The following DROSHA variants were observed in gnomAD, a reference collection of about 807,000 sequenced individuals.
The protein encoded by DROSHA is ribonuclease 3.
A neutral mutation model predicts 181.9 loss-of-function variants in DROSHA; 56 were observed. That is an observed-to-expected ratio of 0.31 (90% CI 0.25 to 0.38). The LOEUF is 0.38. Ranked by LOEUF, DROSHA falls within the 10% of genes least tolerant of loss-of-function variation. The pLI is 1.00. For synonymous variants in DROSHA, 524 were observed against 591.2 expected, an observed-to-expected ratio of 0.89 and a Z score of 1.65; for missense variants, 1,218 against 1,743.5, an observed-to-expected ratio of 0.70 and a Z score of 5.37.
intron 16 of DROSHA, among the ~76,000 whole-genome samples, chr5:31,482,076 G>C (rs1031302358): frequency 6.6e-6 from 1 of 152,184 alleles, no homozygotes; most frequent in Non-Finnish European, 1.5e-5. Flanking sequence ...GGAGACAGGG[G>C]CTTCTGCCCA....
chr5:31,437,221 A>T lies in DROSHA; in HGVS notation c.2942+18T>A. On this transcript the variant is annotated intron_variant, in intron 24 of 35. Transcript: ENST00000344624. The stretch of plus-strand genomic sequence containing the variant: ...TGTAATTATTGAGGAATTGTAAAAA[A>T]CAAAAAAGCCTAATTACCTGGTCAG... The T allele has an allele frequency of 6.4e-7, 1 of 1,560,212 alleles. No individual in the cohort carries two copies.
intron 4 of DROSHA, among the ~76,000 whole-genome samples, chr5:31,528,391 A>G (rs1740845698): frequency 6.6e-6 from 1 of 152,074 alleles, no homozygotes; most frequent in African/African-American, 2.4e-5. Context: ...CAAGACAAAC[A>G]TTTGCTCTTT....
Position 31,449,293 on chromosome 5 carries a change from T to C in DROSHA, c.2809A>G (p.Met937Val), listed in dbSNP as rs1746685655. 6.2e-7 allele frequency: 1 copy of C among 1,613,918 alleles called. No homozygotes were observed. The highest frequency in any genetic ancestry group is 8.5e-7 in the Non-Finnish European group (1 of 1,179,866). ...CATCCAGACATACCTTTCTTCCGCA[T>C]GTGCATGTGATGAACTTTTCTGTCT... Reference protein sequence around the residue: ...YGDRKVHHMHMRKKGINTLIN... With the variant: ...YGDRKVHHMHVRKKGINTLIN... The change falls in exon 22 of 36, where the codon ATG becomes GTG. Residue 937 changes from methionine to valine, a missense_variant. This residue lies in a region of DROSHA where 460 missense variants were observed against 774.2 expected (regional missense o/e 0.59). Transcript: ENST00000344624.
At chr5:31,451,472 C>T in intron 21 of DROSHA, 61 bp downstream of exon 21, 4 of 1,373,026 alleles carry the variant, frequency 2.9e-6, no homozygotes, top group South Asian at 1.3e-5. Flanking sequence ...CCATTTGTGA[C>T]CTGCAAGATG....
chr5:31,497,501 A>G (rs1753128904), intron 11 of DROSHA, among the ~76,000 whole-genome samples: 1 of 152,200 alleles, frequency 6.6e-6, no homozygotes, highest in African/African-American at 2.4e-5. Context: ...GCCTGGAAGG[A>G]TCTTAAGAAT....
intron 35 of DROSHA, among the ~76,000 whole-genome samples, chr5:31,403,822 T>G (rs924884362): frequency 9.2e-5 from 14 of 152,350 alleles, no homozygotes; most frequent in African/African-American, 3.1e-4. Flanking sequence ...AGCAAATGTT[T>G]CCTAACCCCT....
intron 23 of DROSHA, among the ~76,000 whole-genome samples, chr5:31,445,452 A>G (rs1034718808): frequency 3.3e-5 from 5 of 152,248 alleles, no homozygotes; most frequent in African/African-American, 1.2e-4. Context: ...AACTCGTTAT[A>G]TGAGGCCAGT....
intron 16 of DROSHA, among the ~76,000 whole-genome samples, chr5:31,482,230 A>C (rs1160540086): frequency 6.6e-6 from 1 of 152,126 alleles, no homozygotes; most frequent in African/African-American, 2.4e-5. Context: ...GCTATGTTTT[A>C]CTCTTCAGTA....
At chr5:31,402,909 A>T (rs1236270474) in intron 35 of DROSHA, among the ~76,000 whole-genome samples, 1 of 152,112 alleles carries the variant, frequency 6.6e-6, no homozygotes, top group Non-Finnish European at 1.5e-5. Context: ...CTGCCTCCCA[A>T]GTAGCTGGGA....
chr5:31,443,019 A>G lies in DROSHA; in HGVS notation c.2882+5528T>C, dbSNP rs114090881. Among the ~76,000 whole-genome samples, 1,420 of 151,574 alleles carry G rather than the reference A, an allele frequency of 9.4e-3. 11 individuals are homozygous for G. The highest frequency in any genetic ancestry group is 0.017 in the Middle Eastern group (5 of 290). On this transcript the variant is annotated intron_variant, in intron 23 of 35. Transcript: ENST00000344624. ...ATAGAGACATTAACAAATAGTCCAT[A>G]TGTGTCTCTGTTGGTCCGATAGATT...
chr5:31,449,254 T>G (rs1273529983), intron 22 of DROSHA, 27 bp downstream of exon 22: 2 of 1,611,670 alleles, frequency 1.2e-6, no homozygotes, highest in Non-Finnish European at 1.7e-6. Flanking sequence ...AATAGGAGAT[T>G]CACATCTTAA....
In DROSHA at chr5:31,526,664, T is replaced by C; in HGVS notation, c.269A>G (p.Gln90Arg). ...PFPPPMPPSAQGPLPPCPIRP... is the reference protein window; with the variant it reads ...PFPPPMPPSARGPLPPCPIRP... ...GATTGGGCAGGGGGGAAGAGGGCCT[T>C]GCGCTGACGGAGGCATGGGTGGGGG... is the stretch of plus-strand genomic sequence containing the variant. The change falls in exon 5 of 36, where the codon CAA becomes CGA. Residue 90 changes from glutamine to arginine, a missense_variant. By Grantham distance (43) the Gln-to-Arg change is conservative. This residue lies in a region of DROSHA where 536 missense variants were observed against 535.4 expected (regional missense o/e 1.00). Coordinates refer to ENST00000344624, the MANE Select transcript of DROSHA (RefSeq NM_001382508.1). 7.6e-7 allele frequency: 1 copy of C among 1,317,756 alleles called. No homozygotes were observed. Among genetic ancestry groups the C allele is most frequent in the Non-Finnish European group, 9.7e-7 (1 of 1,027,330 alleles). The allele number at this position is 1,317,756 out of a possible 1,614,324, so 81.6% of individuals were successfully genotyped here. A position where few individuals can be genotyped will look rare whatever the true frequency, so the allele number is the denominator to read the frequency against.
At chr5:31,425,708 G>C (rs1049825148) in intron 27 of DROSHA, among the ~76,000 whole-genome samples, 5 of 152,054 alleles carry the variant, frequency 3.3e-5, no homozygotes, top group African/African-American at 4.8e-5. Flanking sequence ...ACTCCATATG[G>C]AACATGATCA....
At chr5:31,508,581 G>A (rs1339162989) in intron 10 of DROSHA, 40 bp downstream of exon 10, 2 of 1,613,094 alleles carry the variant, frequency 1.2e-6, no homozygotes, top group Non-Finnish European at 8.5e-7. Flanking sequence ...CGTTATGTCT[G>A]GGTTTGCAAC....
At position 31,467,639 on chromosome 5, in the gene DROSHA, T is replaced by C. The variant is rs186108157; in HGVS notation, c.2366+300A>G. 278 of 155,672 alleles carry C rather than the reference T, an allele frequency of 1.8e-3. 1 individual carries two copies. Among genetic ancestry groups the C allele is most frequent in the African/African-American group, 6.0e-3 (251 of 41,654 alleles). The allele number at this position is 155,672 out of a possible 1,614,324, so 9.6% of individuals were successfully genotyped here. On this transcript the variant is annotated intron_variant, in intron 18 of 35. Coordinates refer to ENST00000344624, the MANE Select transcript of DROSHA (RefSeq NM_001382508.1). Reference sequence around the variant, plus strand: ...TGAAAAAATAAAAAATAATAATTATTATTATAAGGATGAATAAAGAAAAAG... The same window carrying C: ...TGAAAAAATAAAAAATAATAATTATCATTATAAGGATGAATAAAGAAAAAG...
At chr5:31,503,305 T>C (rs953557750) in intron 11 of DROSHA, among the ~76,000 whole-genome samples, 1 of 152,082 alleles carries the variant, frequency 6.6e-6, no homozygotes, top group African/African-American at 2.4e-5. Flanking sequence ...CTGCCAAACA[T>C]CCAACTAGCC....
At position 31,429,484 on chromosome 5, in the gene DROSHA, A is replaced by G; in HGVS notation, c.3207T>C (p.Phe1069=). ...GATTCCATAGAAATACCGGATCATT[A>G]AAGAGCAAGCGTCCAAATAACTGCT... ...EAKQLFGRLL[F]NDPDLREVWL... Residue 1069 remains phenylalanine, a synonymous_variant, in exon 27 of 36, where the codon TTT becomes TTC. Transcript: ENST00000344624. 6.2e-7 allele frequency: 1 copy of G among 1,611,726 alleles called. No individual in the cohort carries two copies. The highest frequency in any genetic ancestry group is 8.5e-7 in the Non-Finnish European group (1 of 1,178,746).
chr5:31,424,921 C>G (rs370809933), intron 27 of DROSHA, among the ~76,000 whole-genome samples: 16 of 152,118 alleles, frequency 1.1e-4, no homozygotes, highest in African/African-American at 3.9e-4. Flanking sequence ...GAAAACGCCC[C>G]ATGTCGTCTT....
At position 31,486,524 on chromosome 5, in the gene DROSHA, G is replaced by A; in HGVS notation, c.1881C>T (p.Tyr627=). The change falls in exon 14 of 36, where the codon TAC becomes TAT. Residue 627 remains tyrosine (Y), a synonymous_variant. Transcript: ENST00000344624. ...TCATCTCTTCAATGAAATGAATCGT[G>A]TAGTCTATGTTGAATCTAATTACTT... ...LCKVIRFNID[Y]TIHFIEEMMP... is the part of the protein sequence containing the mutation. 6.2e-7 allele frequency: 1 copy of A among 1,613,716 alleles called. No individual in the cohort carries two copies. The highest frequency in any genetic ancestry group is 8.5e-7 in the Non-Finnish European group (1 of 1,179,810).
Sources: allele counts gnomAD v4.1 joint callset (sites outside exome capture counted in the v4.1 genomes callset), GRCh38; gene constraint gnomAD v4.1.1; regional missense constraint gnomAD v4.1.1; transcripts MANE v1.5; gene names NCBI Gene and HGNC (gene_info 2026-07-23, HGNC 2026-07-21).